The following FXYD6 variants were observed in gnomAD, a reference collection of about 807,000 sequenced individuals.
FXYD6 encodes FXYD domain containing ion transport regulator 6, also known as FXYD domain-containing ion transport regulator 6.
A neutral mutation model predicts 16.7 loss-of-function variants in FXYD6; 7 were observed. The observed-to-expected ratio is 0.42, with a 90% CI of 0.24 to 0.79. The LOEUF (loss-of-function observed/expected upper bound fraction) is 0.79, where lower values mean the gene tolerates loss of function less well. Among genes scored for constraint, FXYD6 ranks in the 30% least tolerant of loss-of-function variants. The probability of loss-of-function intolerance (pLI) is 0.28; values close to 1 mark genes in which losing one functional copy is unlikely to be tolerated. For missense variants in FXYD6, 111 were observed against 116.2 expected (o/e 0.95, Z 0.21); for synonymous variants, 49 against 43.0 (o/e 1.14, Z -0.54).
chr11:117,855,395 G>A (rs1490537808), intron 1 of FXYD6, among the ~76,000 whole-genome samples: 3 of 152,172 alleles, frequency 2.0e-5, no homozygotes, highest in Non-Finnish European at 2.9e-5. Flanking sequence ...TCGGTGGTAC[G>A]TTGGCACTGC....
intron 1 of FXYD6, among the ~76,000 whole-genome samples, chr11:117,867,372 G>A (rs558680982): frequency 6.6e-6 from 1 of 152,168 alleles, no homozygotes. Context: ...CTGTGGCAAA[G>A]TCCTAGCCAT....
intron 1 of FXYD6, among the ~76,000 whole-genome samples, chr11:117,864,987 C>G (rs1346797021): frequency 6.6e-6 from 1 of 152,152 alleles, no homozygotes; most frequent in Non-Finnish European, 1.5e-5. Context: ...AATCATACAT[C>G]TGCTAGAGAC....
chr11:117,862,994 C>T (rs2056942761), intron 1 of FXYD6, among the ~76,000 whole-genome samples: 1 of 152,180 alleles, frequency 6.6e-6, no homozygotes, highest in African/African-American at 2.4e-5. Flanking sequence ...ATACACCAGT[C>T]ATTTATAAGA....
intron 1 of FXYD6, chr11:117,869,227 G>C (rs2057079184): frequency 6.6e-6 from 1 of 152,310 alleles, no homozygotes; most frequent in South Asian, 2.1e-4. Context: ...ACAGAGCAGA[G>C]GGTGGTGAAA....
intron 1 of FXYD6, among the ~76,000 whole-genome samples, chr11:117,860,757 C>T (rs533935888): frequency 5.9e-5 from 9 of 152,338 alleles, no homozygotes; most frequent in African/African-American, 2.2e-4. Flanking sequence ...GTAAAACACC[C>T]TGATAACAAC....
At position 117,869,546 on chromosome 11, in the gene FXYD6, G is replaced by T. The variant is rs1206430113; in HGVS notation, c.-6+7046C>A. ...CCAACCCAGCCCGGCTGCACAGGGT[G>T]GAGCGGGAGAGGCAAAACTCTCTTG... On this transcript the variant is annotated intron_variant, in intron 1 of 7. Coordinates refer to ENST00000526014, the MANE Select transcript of FXYD6 (RefSeq NM_022003.4). 2.0e-5 allele frequency among the ~76,000 whole-genome samples: 3 copies of T among 152,236 alleles called. No individual in the cohort carries two copies. The East Asian group carries it at 5.8e-4, about 29-fold the overall frequency.
At chr11:117,838,501 C>T (rs1479682071) in intron 7 of FXYD6, 19 of 591,712 alleles carry the variant, frequency 3.2e-5, no homozygotes, top group South Asian at 2.6e-4. Context: ...ATTGTTAAAC[C>T]CAGGACCTCC....
At chr11:117,863,966 A>G (rs2056961850) in intron 1 of FXYD6, among the ~76,000 whole-genome samples, 1 of 152,210 alleles carries the variant, frequency 6.6e-6, no homozygotes, top group Non-Finnish European at 1.5e-5. Flanking sequence ...ATAAACGGAA[A>G]AAATAGTCCA....
intron 1 of FXYD6, among the ~76,000 whole-genome samples, chr11:117,851,587 T>C (rs997938137): frequency 6.6e-6 from 1 of 152,266 alleles, no homozygotes; most frequent in Non-Finnish European, 1.5e-5. Context: ...TAATTTGCTA[T>C]GCAGCAATAG....
chr11:117,868,886 G>C (rs768111646), intron 1 of FXYD6: 13 of 152,132 alleles, frequency 8.5e-5, no homozygotes, highest in Non-Finnish European at 1.8e-4. Context: ...CCAGCACTCC[G>C]GCTCCTGCTC....
rs937844624 is a variant in FXYD6, at chr11:117,866,084, G to C, written c.-6+10508C>G. Among the ~76,000 whole-genome samples the C allele has an allele frequency of 5.9e-5, 9 of 152,210 alleles. No homozygotes were observed. In the South Asian group the frequency reaches 1.9e-3, roughly 32 times the overall value. ...TGATTCCACTCATATGAGGCACGTA[G>C]AGTAGTCAAAATCAGAGACAAAAAG... On this transcript the variant is annotated intron_variant, in intron 1 of 7. Coordinates refer to ENST00000526014, the MANE Select transcript of FXYD6 (RefSeq NM_022003.4).
intron 5 of FXYD6, 77 bp downstream of exon 5, chr11:117,841,071 T>TG: frequency 6.3e-7 from 1 of 1,579,238 alleles, no homozygotes; most frequent in Non-Finnish European, 8.7e-7. Flanking sequence ...AATGCCCATT[T>TG]GGGGGTCACA....
At chr11:117,866,861 C>A (rs1046051020) in intron 1 of FXYD6, among the ~76,000 whole-genome samples, 26 of 152,190 alleles carry the variant, frequency 1.7e-4, no homozygotes, top group African/African-American at 6.0e-4. Flanking sequence ...TCACCGTGGG[C>A]TGCAGAGCTG....
intron 1 of FXYD6, among the ~76,000 whole-genome samples, chr11:117,871,274 A>C (rs925142372): frequency 2.0e-5 from 3 of 152,184 alleles, no homozygotes; most frequent in African/African-American, 7.2e-5. Context: ...CGTGGTGTGC[A>C]CCGGCGTATG....
chr11:117,874,736 G>C (rs889795311), intron 1 of FXYD6, among the ~76,000 whole-genome samples: 4 of 152,226 alleles, frequency 2.6e-5, no homozygotes, highest in African/African-American at 9.6e-5. Context: ...AAAGAGCAGC[G>C]GCAGTGGAGA....
intron 1 of FXYD6, 28 bp from the exon 2 acceptor site, chr11:117,842,809 T>C (rs1416990686): frequency 1.0e-5 from 16 of 1,551,746 alleles, no homozygotes; most frequent in Non-Finnish European, 1.3e-5. Context: ...AAAAAATGAT[T>C]CTCTGGCTAA....
At chr11:117,859,746 A>G (rs1015937294) in intron 1 of FXYD6, among the ~76,000 whole-genome samples, 1 of 152,176 alleles carries the variant, frequency 6.6e-6, no homozygotes, top group African/African-American at 2.4e-5. Flanking sequence ...TTTTCCTTCC[A>G]AACAGTAAGA....
chr11:117,852,888 A>G (rs1479626182), intron 1 of FXYD6, among the ~76,000 whole-genome samples: 1 of 151,936 alleles, frequency 6.6e-6, no homozygotes, highest in African/African-American at 2.4e-5. Flanking sequence ...TTCCTTTTTA[A>G]CTGTTTTTAT....
chr11:117,838,229 A>C lies in FXYD6; in HGVS notation c.*70T>G. On this transcript the variant is annotated 3_prime_UTR_variant, in exon 8 of 8. Transcript: ENST00000526014. ...GCTGAAGTGGCCGGTTTTCTTAAGC[A>C]TCGACATTTGCATCCAAAGGTTCAA... 1 of 702,624 alleles carries C rather than the reference A, an allele frequency of 1.4e-6. No individual in the cohort carries two copies. The highest frequency in any genetic ancestry group is 2.0e-5 in the Admixed American group (1 of 50,016). The allele number at this position is 702,624 out of a possible 1,614,324, so 43.5% of individuals were successfully genotyped here. A position where few individuals can be genotyped will look rare whatever the true frequency, so the allele number is the denominator to read the frequency against.
Sources: gnomAD v4.1 joint callset for allele counts (sites outside exome capture counted in the v4.1 genomes callset) on GRCh38, gnomAD v4.1.1 for gene constraint, MANE v1.5 for transcripts, NCBI Gene and HGNC (gene_info 2026-07-23, HGNC 2026-07-21) for gene names.